The following MIGA1 variants were observed in gnomAD, a reference collection of about 807,000 sequenced individuals.
The protein encoded by MIGA1 is family with sequence similarity 73, member A.
Under a neutral mutation model 82.0 loss-of-function variants are expected in MIGA1, and 58 were observed. That is an observed-to-expected ratio of 0.71 (90% CI 0.57 to 0.88). The LOEUF (loss-of-function observed/expected upper bound fraction) is 0.88. MIGA1 is among the 40% of genes least tolerant of loss of function. MIGA1 has a pLI of 0.00. For synonymous variants in MIGA1, 249 were observed against 253.6 expected (o/e 0.98, Z 0.17); for missense variants, 751 against 749.1 (o/e 1.00, Z -0.03).
intron 8 of MIGA1, chr1:77,848,782 A>G (rs1482611270): frequency 7.8e-7 from 1 of 1,289,226 alleles, no homozygotes; most frequent in Non-Finnish European, 1.1e-6. Context: ...AAAGAGCTAT[A>G]TTGACAAACA....
intron 7 of MIGA1, among the ~76,000 whole-genome samples, chr1:77,841,425 C>T (rs1460412915): frequency 6.7e-6 from 1 of 149,956 alleles, no homozygotes; most frequent in African/African-American, 2.5e-5. Flanking sequence ...ATTCTGTCTT[C>T]TGCTTGTGGT....
chr1:77,813,937 A>T, intron 6 of MIGA1, 70 bp downstream of exon 6: 1 of 1,540,916 alleles, frequency 6.5e-7, no homozygotes, highest in South Asian at 1.2e-5. Context: ...TTTTTTTGGT[A>T]GAGGTAGGGT....
intron 2 of MIGA1, among the ~76,000 whole-genome samples, chr1:77,785,139 A>G (rs769233114): frequency 3.9e-5 from 6 of 152,276 alleles, no homozygotes; most frequent in Middle Eastern, 3.4e-3. Flanking sequence ...CATTAACTCA[A>G]AAGTCCACAG....
intron 14 of MIGA1, among the ~76,000 whole-genome samples, chr1:77,869,854 C>T (rs1685859061): frequency 8.8e-6 from 1 of 113,440 alleles, no homozygotes; most frequent in Admixed American, 7.8e-5. Flanking sequence ...GGCGGCTGGC[C>T]AGGCGGGGGG....
chr1:77,825,550 T>C (rs900993047), intron 7 of MIGA1, among the ~76,000 whole-genome samples: 1 of 152,162 alleles, frequency 6.6e-6, no homozygotes, highest in African/African-American at 2.4e-5. Flanking sequence ...AAGTCAACAC[T>C]TGCTGGCAGG....
At position 77,807,064 on chromosome 1, in the gene MIGA1, T is replaced by C. The variant is rs1683126529; in HGVS notation, c.600T>C (p.Asn200=). The change falls in exon 5 of 16, where the codon AAT becomes AAC. Residue 200 remains asparagine, a synonymous_variant. Coordinates refer to ENST00000370791, the MANE Select transcript of MIGA1 (RefSeq NM_198549.4). ...ATGAAGATGATATTAAACTTGTTAATATTCCTGTGACTACTCCAGAGAACT... is the reference window on the plus strand; with the variant it reads ...ATGAAGATGATATTAAACTTGTTAACATTCCTGTGACTACTCCAGAGAACT... 6.2e-7 allele frequency: 1 copy of C among 1,600,620 alleles called. No homozygotes were observed. Among genetic ancestry groups the C allele is most frequent in the Admixed American group, 1.7e-5 (1 of 59,786 alleles).
intron 8 of MIGA1, chr1:77,847,557 G>C: frequency 6.7e-7 from 1 of 1,497,056 alleles, no homozygotes; most frequent in Non-Finnish European, 9.3e-7. Context: ...TGATGATAAA[G>C]AGGCATTTGT....
rs141984116 is a variant in MIGA1, at chr1:77,824,000, T to C, written c.895+8769T>C. ...TTTGGTTGTGTTGTTGTTTTTACTT[T>C]GGTTAAATTTTAAATCTATTTTCTA... On this transcript the variant is annotated intron_variant, in intron 7 of 15. Transcript: ENST00000370791. 4.1e-3 allele frequency among the ~76,000 whole-genome samples: 618 copies of C among 152,310 alleles called. 2 individuals carry two copies. Among genetic ancestry groups the C allele is most frequent in the Non-Finnish European group, 6.7e-3 (456 of 68,024 alleles).
intron 7 of MIGA1, among the ~76,000 whole-genome samples, chr1:77,815,461 C>T (rs887598933): frequency 3.3e-5 from 5 of 152,074 alleles, no homozygotes; most frequent in Non-Finnish European, 5.9e-5. Context: ...CAGGCTGTGA[C>T]ATTATTTTAA....
intron 2 of MIGA1, among the ~76,000 whole-genome samples, chr1:77,793,783 CTTTTTTTT>C (rs1175821307): frequency 8.8e-6 from 1 of 114,152 alleles, no homozygotes; most frequent in Non-Finnish European, 1.8e-5. Flanking sequence ...AAAATTTTAT[CTTTTTTTT>C]TTTTTTTTTT....
intron 7 of MIGA1, among the ~76,000 whole-genome samples, chr1:77,829,499 C>T (rs921436056): frequency 4.6e-5 from 7 of 152,086 alleles, no homozygotes; most frequent in Admixed American, 4.6e-4. Flanking sequence ...GACAGAGTCT[C>T]GTTCTGTCAC....
intron 8 of MIGA1, 32 bp downstream of exon 8, chr1:77,843,439 T>C (rs569688658): frequency 6.5e-7 from 1 of 1,546,062 alleles, no homozygotes; most frequent in East Asian, 2.3e-5. Context: ...TGAGGATTTC[T>C]GTTTCTTTTT....
At chr1:77,802,897 G>C (rs1408664917) in intron 3 of MIGA1, among the ~76,000 whole-genome samples, 2 of 152,074 alleles carry the variant, frequency 1.3e-5, no homozygotes, top group African/African-American at 4.8e-5. Context: ...GTAAGGTTTA[G>C]ATGTAATTCA....
chr1:77,827,694 A>G (rs1209663949), intron 7 of MIGA1, among the ~76,000 whole-genome samples: 1 of 152,168 alleles, frequency 6.6e-6, no homozygotes, highest in Non-Finnish European at 1.5e-5. Flanking sequence ...AGAGTGAACT[A>G]GTACACACCA....
At chr1:77,848,476 G>T (rs1456384335) in intron 8 of MIGA1, 1 of 1,010,802 alleles carries the variant, frequency 9.9e-7, no homozygotes, top group Non-Finnish European at 1.5e-6. Context: ...TCTTCAGAAA[G>T]AAATCTTCAG....
chr1:77,813,806 A>G lies in MIGA1; in HGVS notation c.710A>G (p.Asp237Gly). The change falls in exon 6 of 16, where the codon GAT becomes GGT. Residue 237 changes from aspartate (D) to glycine (G), a missense_variant. Transcript: ENST00000370791. ...ACCTTTCGCAATAGACAGGCTGAAGATGAAGCCTGTGGTTCCATTAAACTG... is the reference window on the plus strand; with the variant it reads ...ACCTTTCGCAATAGACAGGCTGAAGGTGAAGCCTGTGGTTCCATTAAACTG... 1 of 1,614,090 alleles carries G rather than the reference A, an allele frequency of 6.2e-7. No homozygotes were observed. Among genetic ancestry groups the G allele is most frequent in the East Asian group, 2.2e-5 (1 of 44,888 alleles).
At chr1:77,807,889 G>T (rs1026379501) in intron 5 of MIGA1, among the ~76,000 whole-genome samples, 1 of 151,948 alleles carries the variant, frequency 6.6e-6, no homozygotes, top group Non-Finnish European at 1.5e-5. Context: ...TGCAACATCG[G>T]CTCACCGCAA....
At chr1:77,787,796 T>A (rs1178520396) in intron 2 of MIGA1, among the ~76,000 whole-genome samples, 2 of 152,016 alleles carry the variant, frequency 1.3e-5, no homozygotes, top group African/African-American at 4.8e-5. Flanking sequence ...ATTTCTCCAA[T>A]TCTGTGAATT....
intron 2 of MIGA1, among the ~76,000 whole-genome samples, chr1:77,794,670 T>C (rs1263442642): frequency 6.6e-6 from 1 of 152,164 alleles, no homozygotes; most frequent in East Asian, 1.9e-4. Flanking sequence ...AACACAGTGA[T>C]GCATGTCTGT....
Sources: allele counts gnomAD v4.1 joint callset (sites outside exome capture counted in the v4.1 genomes callset), GRCh38; gene constraint gnomAD v4.1.1; transcripts MANE v1.5; gene names NCBI Gene and HGNC (gene_info 2026-07-23, HGNC 2026-07-21).